Variants in STARD13 observed in about 807,000 individuals in gnomAD.
STARD13 encodes stAR-related lipid transfer protein 13.
A neutral mutation model predicts 106.4 loss-of-function variants in STARD13; 62 were observed. That is an observed-to-expected ratio of 0.58 (90% CI 0.48 to 0.72). The LOEUF (loss-of-function observed/expected upper bound fraction) is 0.72. Among genes scored for constraint, STARD13 ranks in the 30% least tolerant of loss-of-function variants. STARD13 has a pLI of 0.00. For missense variants in STARD13, 1,387 were observed against 1,424.0 expected (o/e 0.97, Z 0.42); for synonymous variants, 565 against 553.0 (o/e 1.02, Z -0.31).
intron 3 of STARD13, 101 bp downstream of exon 3, chr13:33,165,233 CACT>C: frequency 1.2e-6 from 1 of 838,814 alleles, no homozygotes; most frequent in Non-Finnish European, 2.1e-6. Context: ...ACATGGTAGG[CACT>C]CAGTGAATAC....
chr13:33,230,009 A>G (rs890080778), intron 1 of STARD13, among the ~76,000 whole-genome samples: 6 of 152,222 alleles, frequency 3.9e-5, no homozygotes, highest in Admixed American at 2.0e-4. Flanking sequence ...TCCATTGGAG[A>G]GAAGAGCAGT....
At chr13:33,401,301 G>A in the STARD13 span, among the ~76,000 whole-genome samples, 14 of 152,148 alleles carry the variant, frequency 9.2e-5, no homozygotes, top group African/African-American at 2.7e-4. Flanking sequence ...AATTACATAC[G>A]CACTGGCTCC....
At chr13:33,559,681 C>T in the STARD13 span, among the ~76,000 whole-genome samples, 1 of 151,454 alleles carries the variant, frequency 6.6e-6, no homozygotes, top group Non-Finnish European at 1.5e-5. Flanking sequence ...CATAGTGAAA[C>T]CCCATCTCTA....
chr13:33,490,534 T>A, the STARD13 span, among the ~76,000 whole-genome samples: 3 of 152,126 alleles, frequency 2.0e-5, no homozygotes, highest in Non-Finnish European at 4.4e-5. Flanking sequence ...GAGAGGAGTT[T>A]GGCTGGGGGT....
intron 1 of STARD13, among the ~76,000 whole-genome samples, chr13:33,323,577 A>C (rs1465221472): frequency 6.6e-6 from 1 of 152,216 alleles, no homozygotes; most frequent in African/African-American, 2.4e-5. Context: ...AAAGACACTC[A>C]ATGTAACGGT....
chr13:33,112,613 C>A (rs1176293504), intron 9 of STARD13, 108 bp downstream of exon 9: 5 of 891,644 alleles, frequency 5.6e-6, no homozygotes, highest in Non-Finnish European at 8.6e-6. Context: ...ATCTGTCTAC[C>A]AATATATCCA....
the STARD13 span, among the ~76,000 whole-genome samples, chr13:33,474,541 A>T: frequency 6.6e-6 from 1 of 152,224 alleles, no homozygotes; most frequent in South Asian, 2.1e-4. Context: ...CTTGTACATT[A>T]AACAAATAAG....
At chr13:33,163,605 A>AATATAT (rs1249911753) in intron 3 of STARD13, among the ~76,000 whole-genome samples, 2 of 97,618 alleles carry the variant, frequency 2.0e-5, no homozygotes, top group South Asian at 6.8e-4. Context: ...AAAAAAAAAA[A>AATATAT]ATATATATAT....
At chr13:33,205,966 G>T in intron 1 of STARD13, 1 of 985,312 alleles carries the variant, frequency 1.0e-6, no homozygotes, top group Non-Finnish European at 1.2e-6. Flanking sequence ...CGTTATCTCT[G>T]CCAGCTAATA....
rs140691184 is a variant in STARD13, at chr13:33,137,693, G to A, written c.387+4617C>T. Among the ~76,000 whole-genome samples, 167 of 152,354 alleles carry A rather than the reference G, an allele frequency of 1.1e-3. 1 individual carries two copies. Among genetic ancestry groups the A allele is most frequent in the African/African-American group, 3.7e-3 (155 of 41,586 alleles). Reference sequence around the variant, plus strand: ...ATTGTGAGGGAGAGGGATGCACTAAGAAGCAAATCCTGCAGTGAGTGAGTG... The same window carrying A: ...ATTGTGAGGGAGAGGGATGCACTAAAAAGCAAATCCTGCAGTGAGTGAGTG... On this transcript the variant is annotated intron_variant, in intron 4 of 13. Coordinates refer to ENST00000336934, the MANE Select transcript of STARD13 (RefSeq NM_178006.4).
chr13:33,358,528 G>T, the STARD13 span, among the ~76,000 whole-genome samples: 1 of 152,166 alleles, frequency 6.6e-6, no homozygotes, highest in Non-Finnish European at 1.5e-5. Context: ...TTAGCTCAAG[G>T]TTTGTGAGTG....
At chr13:33,316,553 T>C (rs1893347333) in intron 1 of STARD13, among the ~76,000 whole-genome samples, 1 of 152,206 alleles carries the variant, frequency 6.6e-6, no homozygotes, top group African/African-American at 2.4e-5. Context: ...ATTTTATAAA[T>C]GTGGGAAAAT....
chr13:33,290,054 T>G (rs530369896), upstream of STARD13, among the ~76,000 whole-genome samples: 57 of 152,292 alleles, frequency 3.7e-4, no homozygotes, highest in African/African-American at 1.3e-3. Flanking sequence ...CTTTTGGTAT[T>G]TGGAATTTTC....
At chr13:33,613,193 A>G in the STARD13 span, among the ~76,000 whole-genome samples, 2 of 152,234 alleles carry the variant, frequency 1.3e-5, no homozygotes, top group African/African-American at 4.8e-5. Context: ...TTGTTTTCAC[A>G]TATATCACAA....
At chr13:33,374,733 A>G in the STARD13 span, among the ~76,000 whole-genome samples, 1 of 152,180 alleles carries the variant, frequency 6.6e-6, no homozygotes, top group Non-Finnish European at 1.5e-5. Context: ...AAAGTGACCC[A>G]TACAAACAAA....
chr13:33,243,702 C>T (rs1335147005), intron 1 of STARD13, among the ~76,000 whole-genome samples: 1 of 152,054 alleles, frequency 6.6e-6, no homozygotes, highest in African/African-American at 2.4e-5. Context: ...AAACAGGGTC[C>T]CCGGGCCCTT....
chr13:33,579,504 GATAAAAAACTAT>G, the STARD13 span, among the ~76,000 whole-genome samples: 1 of 151,786 alleles, frequency 6.6e-6, no homozygotes, highest in Non-Finnish European at 1.5e-5. Flanking sequence ...GAGGGTGATG[GATAAAAAACTAT>G]ATATTGAGTA....
At position 33,316,655 on chromosome 13, in the gene STARD13, C is replaced by T. The variant is rs553855349; in HGVS notation, c.124+33635G>A. On this transcript the variant is annotated intron_variant, in intron 1 of 5. Coordinates refer to the STARD13 transcript ENST00000567873. Reference sequence around the variant, plus strand: ...CTGAACTCAAAGCTTGTGCTCTTTCCAAGCTATTGTGCTGCCTCTGAATTC... The same window carrying T: ...CTGAACTCAAAGCTTGTGCTCTTTCTAAGCTATTGTGCTGCCTCTGAATTC... 2.0e-5 allele frequency among the ~76,000 whole-genome samples: 3 copies of T among 152,330 alleles called. No homozygotes were observed. The East Asian group carries it at 5.8e-4, about 29-fold the overall frequency.
chr13:33,249,449 A>G (rs1217671497), intron 1 of STARD13, among the ~76,000 whole-genome samples: 15 of 152,230 alleles, frequency 9.9e-5, no homozygotes, highest in Non-Finnish European at 2.2e-4. Context: ...TCTTCCAAGA[A>G]TTCGTCTTTG....
Sources: allele counts gnomAD v4.1 joint callset (sites outside exome capture counted in the v4.1 genomes callset), GRCh38; gene constraint gnomAD v4.1.1; transcripts MANE v1.5; gene names NCBI Gene and HGNC (gene_info 2026-07-23, HGNC 2026-07-21).